The following IKZF3 variants were observed in gnomAD, a reference collection of about 807,000 sequenced individuals.
IKZF3 encodes IKAROS family zinc finger 3, also known as zinc finger protein Aiolos.
IKZF3 carries 10 observed loss-of-function variants against 49.0 expected under a neutral mutation model. That is an observed-to-expected ratio of 0.20 (90% CI 0.13 to 0.35). The LOEUF is 0.35. Among genes scored for constraint, IKZF3 ranks in the 10% least tolerant of loss-of-function variants. The pLI is 1.00. For synonymous variants in IKZF3, 209 were observed against 228.2 expected, an observed-to-expected ratio of 0.92 and a Z score of 0.76; for missense variants, 498 against 664.8, an observed-to-expected ratio of 0.75 and a Z score of 2.76.
At chr17:39,803,781 A>G (rs1043713325) in intron 3 of IKZF3, among the ~76,000 whole-genome samples, 3 of 152,000 alleles carry the variant, frequency 2.0e-5, no homozygotes, top group African/African-American at 7.2e-5. Context: ...CCAAAGTGCT[A>G]GGATTACAGG....
chr17:39,862,505 G>T (rs1568082595), intron 1 of IKZF3, among the ~76,000 whole-genome samples: 1 of 151,900 alleles, frequency 6.6e-6, no homozygotes, highest in Non-Finnish European at 1.5e-5. Flanking sequence ...GTCTATTTTG[G>T]GTAGCTATAA....
Position 39,762,815 on chromosome 17 carries a change from A to T in IKZF3, c.*2975T>A, listed in dbSNP as rs2060209536. On this transcript the variant is annotated 3_prime_UTR_variant, in exon 8 of 8. Coordinates refer to ENST00000346872, the MANE Select transcript of IKZF3 (RefSeq NM_012481.5). ...GGCAGGAGAATTGCTTGAACCCGGG[A>T]GGCGGAGGTTGCCGTGAGCCGAGAT... The T allele has an allele frequency of 6.6e-6, 1 of 152,478 alleles. No individual in the cohort carries two copies. The highest frequency in any genetic ancestry group is 1.5e-5 in the Non-Finnish European group (1 of 68,252). The allele number at this position is 152,478 out of a possible 1,614,324, so 9.4% of individuals were successfully genotyped here. A position where few individuals can be genotyped will look rare whatever the true frequency, so the allele number is the denominator to read the frequency against.
At chr17:39,829,583 C>T (rs2062053014) in intron 2 of IKZF3, 95 bp from the exon 3 acceptor site, 1 of 821,030 alleles carries the variant, frequency 1.2e-6, no homozygotes, top group East Asian at 2.7e-5. Flanking sequence ...TTCAGCTTCA[C>T]ACAATCCTTT....
intron 6 of IKZF3, among the ~76,000 whole-genome samples, chr17:39,786,402 T>TA (rs1255139002): frequency 6.6e-6 from 1 of 152,158 alleles, no homozygotes; most frequent in African/African-American, 2.4e-5. Context: ...TGGAATATGA[T>TA]AGATTTCATA....
At chr17:39,785,046 A>G (rs1400413028) in intron 6 of IKZF3, among the ~76,000 whole-genome samples, 1 of 152,144 alleles carries the variant, frequency 6.6e-6, no homozygotes, top group Non-Finnish European at 1.5e-5. Flanking sequence ...ATCTCTTTAC[A>G]AGTGACGGAT....
At chr17:39,826,726 C>A (rs73985221) in intron 3 of IKZF3, among the ~76,000 whole-genome samples, 1 of 152,094 alleles carries the variant, frequency 6.6e-6, no homozygotes, top group South Asian at 2.1e-4. Flanking sequence ...TCACAGTGTG[C>A]GTGTTTGAGG....
chr17:39,850,016 G>C (rs528805377), intron 1 of IKZF3, among the ~76,000 whole-genome samples: 1 of 133,932 alleles, frequency 7.5e-6, no homozygotes, highest in Non-Finnish European at 1.6e-5. Context: ...TATTCCTGGG[G>C]GTGTGTGTGT....
chr17:39,792,309 C>T (rs562320645), intron 4 of IKZF3, among the ~76,000 whole-genome samples: 1 of 152,166 alleles, frequency 6.6e-6, no homozygotes, highest in South Asian at 2.1e-4. Flanking sequence ...CAAATTTGAA[C>T]CCAATACAAT....
chr17:39,850,434 TAA>T (rs2062788330), intron 1 of IKZF3, among the ~76,000 whole-genome samples: 1 of 131,982 alleles, frequency 7.6e-6, no homozygotes, highest in Admixed American at 8.1e-5. Context: ...TATGTATATA[TAA>T]TATATAGTAT....
chr17:39,766,623 G>T, intron 7 of IKZF3, 130 bp from the exon 8 acceptor site: 1 of 744,652 alleles, frequency 1.3e-6, no homozygotes, highest in Non-Finnish European at 2.2e-6. Flanking sequence ...AAGCCTGGCA[G>T]AATGGTTTCC....
At chr17:39,854,361 A>C (rs1201363377) in intron 1 of IKZF3, among the ~76,000 whole-genome samples, 1 of 152,136 alleles carries the variant, frequency 6.6e-6, no homozygotes, top group Non-Finnish European at 1.5e-5. Flanking sequence ...ACAAGGAAAT[A>C]AAGCCATGGA....
At chr17:39,797,413 T>TTTTC (rs201873500) in intron 3 of IKZF3, among the ~76,000 whole-genome samples, 1 of 150,796 alleles carries the variant, frequency 6.6e-6, no homozygotes, top group Non-Finnish European at 1.5e-5. Flanking sequence ...CTCCTATGTC[T>TTTTC]TTTCTTTCTT....
At chr17:39,802,053 T>A (rs2061330593) in intron 3 of IKZF3, among the ~76,000 whole-genome samples, 1 of 151,346 alleles carries the variant, frequency 6.6e-6, no homozygotes. Flanking sequence ...AAACCCTGTC[T>A]CTACTAAAAA....
At position 39,777,659 on chromosome 17, in the gene IKZF3, T is replaced by A; in HGVS notation, c.818A>T (p.Lys273Ile). 1 of 1,611,078 alleles carries A rather than the reference T, an allele frequency of 6.2e-7. No homozygotes were observed. The highest frequency in any genetic ancestry group is 8.5e-7 in the Non-Finnish European group (1 of 1,177,642). ...VAKRKSSMPQ[K>I]FIGEKRHCFD... is the part of the protein sequence containing the mutation. Reference sequence around the variant, plus strand: ...AAGGTTTGTATTCTTACCAATGAATTTCTGAGGCATTGAGCTTTTTCGTTT... The same window carrying A: ...AAGGTTTGTATTCTTACCAATGAATATCTGAGGCATTGAGCTTTTTCGTTT... The change falls in exon 7 of 8, where the codon AAA (lysine) becomes ATA (isoleucine). Residue 273 changes from lysine (K) to isoleucine (I), a missense_variant. Lys to Ile is a moderately radical substitution (Grantham distance 102, BLOSUM62 -3). Transcript: ENST00000346872.
intron 3 of IKZF3, among the ~76,000 whole-genome samples, chr17:39,800,128 G>A (rs2061279498): frequency 6.6e-6 from 1 of 152,220 alleles, no homozygotes. Flanking sequence ...CTGCCTGATA[G>A]TATCCTGAAG....
intron 1 of IKZF3, among the ~76,000 whole-genome samples, chr17:39,850,954 A>G (rs546893088): frequency 2.9e-5 from 4 of 140,326 alleles, no homozygotes; most frequent in South Asian, 2.1e-4. Flanking sequence ...TATTATATAC[A>G]CGTATATTAT....
At chr17:39,801,823 T>C (rs1397602635) in intron 3 of IKZF3, among the ~76,000 whole-genome samples, 4 of 152,212 alleles carry the variant, frequency 2.6e-5, no homozygotes, top group South Asian at 2.1e-4. Context: ...AAATCTATTA[T>C]GTTTTCTTTT....
At chr17:39,814,066 T>C (rs1478074725) in intron 3 of IKZF3, among the ~76,000 whole-genome samples, 1 of 152,174 alleles carries the variant, frequency 6.6e-6, no homozygotes, top group East Asian at 1.9e-4. Flanking sequence ...TCAAAGTAGT[T>C]TGTACTTCTT....
chr17:39,843,637 T>C (rs1322882269), intron 1 of IKZF3, among the ~76,000 whole-genome samples: 3 of 152,104 alleles, frequency 2.0e-5, no homozygotes, highest in African/African-American at 7.2e-5. Context: ...CTTTGTGTAC[T>C]GTAAATAGCA....
Sources: gnomAD v4.1 joint callset for allele counts (sites outside exome capture counted in the v4.1 genomes callset) on GRCh38, gnomAD v4.1.1 for gene constraint, MANE v1.5 for transcripts, NCBI Gene and HGNC (gene_info 2026-07-23, HGNC 2026-07-21) for gene names.